The following KAT2B variants were observed in gnomAD, a reference collection of about 807,000 sequenced individuals.
KAT2B encodes the protein histone acetyltransferase KAT2B.
Under a neutral mutation model 105.9 loss-of-function variants are expected in KAT2B, and 36 were observed. That is an observed-to-expected ratio of 0.34 (90% confidence interval 0.26 to 0.45). The LOEUF (loss-of-function observed/expected upper bound fraction) is 0.45, where lower values mean the gene tolerates loss of function less well. KAT2B is among the 20% of genes least tolerant of loss of function. The pLI is 1.00. For synonymous variants in KAT2B, 397 were observed against 377.9 expected (o/e 1.05, Z -0.59); for missense variants, 820 against 1,021.6 (o/e 0.80, Z 2.69).
chr3:20,085,048 G>A (rs1575123901), intron 2 of KAT2B, among the ~76,000 whole-genome samples: 2 of 152,252 alleles, frequency 1.3e-5, no homozygotes, highest in South Asian at 4.2e-4. Flanking sequence ...CACAAAAAGA[G>A]ATTAAAAGTT....
intron 5 of KAT2B, among the ~76,000 whole-genome samples, chr3:20,107,007 ATATATATATTTTTTTTTTTTTTTTTTTTT>A (rs1699028828): frequency 4.0e-5 from 1 of 25,232 alleles, no homozygotes; most frequent in Non-Finnish European, 6.3e-5. Flanking sequence ...ATATATATAT[ATATATATATTTTTTTTTTTTTTTTTTTTT>A]TTTTTTTTTT....
At chr3:20,076,815 A>T (rs1698428861) in intron 2 of KAT2B, among the ~76,000 whole-genome samples, 1 of 152,224 alleles carries the variant, frequency 6.6e-6, no homozygotes. Context: ...ATTCTCAAAT[A>T]CATTTCAGTT....
Position 20,148,282 on chromosome 3 carries a change from C to T in KAT2B, c.2196C>T (p.Leu732=), listed in dbSNP as rs1483496499. The change falls in exon 16 of 18, where the codon CTC becomes CTT. Residue 732 remains leucine, a synonymous_variant. Transcript: ENST00000263754. ...PRDPDQLYST[L]KSILQQVKSH... ...ACCCTGACCAGCTTTACAGCACGCT[C>T]AAGAGCATCCTCCAGCAGGTGAAGG... 1.2e-6 allele frequency: 2 copies of T among 1,614,072 alleles called. No homozygotes were observed. The highest frequency in any genetic ancestry group is 1.7e-6 in the Non-Finnish European group (2 of 1,179,960).
chr3:20,089,667 T>A (rs1207190130), intron 2 of KAT2B, among the ~76,000 whole-genome samples: 8 of 152,328 alleles, frequency 5.3e-5, no homozygotes, highest in African/African-American at 1.9e-4. Context: ...CCCAAAGTGC[T>A]GGGACTCCCA....
chr3:20,062,463 T>TA (rs1251395855), intron 1 of KAT2B, among the ~76,000 whole-genome samples: 8 of 122,754 alleles, frequency 6.5e-5, no homozygotes, highest in African/African-American at 9.0e-5. Flanking sequence ...TATATTTTAT[T>TA]TTATATATAT....
At chr3:20,086,138 G>A (rs1298962909) in intron 2 of KAT2B, among the ~76,000 whole-genome samples, 1 of 152,068 alleles carries the variant, frequency 6.6e-6, no homozygotes, top group African/African-American at 2.4e-5. Context: ...TGGGCATGAT[G>A]GTATGCACCT....
chr3:20,081,072 T>A (rs1698511148), intron 2 of KAT2B, among the ~76,000 whole-genome samples: 1 of 152,242 alleles, frequency 6.6e-6, no homozygotes, highest in Non-Finnish European at 1.5e-5. Flanking sequence ...ATAAGCCTTT[T>A]GCACATTAGT....
At chr3:20,085,302 C>T (rs1319114513) in intron 2 of KAT2B, among the ~76,000 whole-genome samples, 4 of 152,152 alleles carry the variant, frequency 2.6e-5, no homozygotes, top group Non-Finnish European at 5.9e-5. Flanking sequence ...AGGCCTGTTT[C>T]CCAAAGGCTT....
At chr3:20,058,032 A>G (rs1698030208) in intron 1 of KAT2B, among the ~76,000 whole-genome samples, 2 of 152,150 alleles carry the variant, frequency 1.3e-5, no homozygotes, top group Admixed American at 1.3e-4. Flanking sequence ...GTGTTTATTT[A>G]TACCTGGGTT....
chr3:20,109,195 C>T (rs933008688), intron 5 of KAT2B, among the ~76,000 whole-genome samples: 3 of 152,108 alleles, frequency 2.0e-5, no homozygotes, highest in South Asian at 2.1e-4. Flanking sequence ...CTAAGTCTCA[C>T]GAAATTGAAC....
chr3:20,101,114 GC>G (rs1215503608), intron 4 of KAT2B, 172 bp from the exon 5 acceptor site: 1 of 582,616 alleles, frequency 1.7e-6, no homozygotes, highest in African/African-American at 1.9e-5. Context: ...GTGATCTGAG[GC>G]AAGATTCCCT....
At position 20,143,467 on chromosome 3, in the gene KAT2B, C is replaced by T. The variant is rs531459021; in HGVS notation, c.2005-2849C>T. ...AATTAGTTCAGCCCCTGTGGAAAGC[C>T]GTTTGGAGATTTCTCAAAGAATTAA... On this transcript the variant is annotated intron_variant, in intron 13 of 17. Coordinates refer to ENST00000263754, the MANE Select transcript of KAT2B (RefSeq NM_003884.5). Among the ~76,000 whole-genome samples the T allele has an allele frequency of 3.1e-4, 47 of 152,104 alleles. 1 individual carries two copies. Among genetic ancestry groups the T allele is most frequent in the Non-Finnish European group, 5.0e-4 (34 of 67,990 alleles).
chr3:20,050,799 G>A (rs1697902408), intron 1 of KAT2B, among the ~76,000 whole-genome samples: 1 of 151,620 alleles, frequency 6.6e-6, no homozygotes, highest in Non-Finnish European at 1.5e-5. Flanking sequence ...TGCCTCCTGG[G>A]GTCATGCCAT....
chr3:20,041,278 G>C (rs1248949780), intron 1 of KAT2B, among the ~76,000 whole-genome samples: 1 of 152,122 alleles, frequency 6.6e-6, no homozygotes, highest in Non-Finnish European at 1.5e-5. Context: ...TTGGGAAAGC[G>C]AAGGGGAGGA....
intron 1 of KAT2B, among the ~76,000 whole-genome samples, chr3:20,051,832 T>G (rs961299673): frequency 6.6e-6 from 1 of 152,236 alleles, no homozygotes; most frequent in African/African-American, 2.4e-5. Flanking sequence ...TTTCCGTAAT[T>G]GGTATATTTA....
chr3:20,051,676 C>G (rs146051095), intron 1 of KAT2B, among the ~76,000 whole-genome samples: 225 of 152,266 alleles, frequency 1.5e-3, no homozygotes, highest in African/African-American at 5.2e-3. Flanking sequence ...ACCCTCTCCC[C>G]AGGAATGACA....
chr3:20,147,112 G>A (rs1361449024), intron 14 of KAT2B, among the ~76,000 whole-genome samples: 3 of 152,064 alleles, frequency 2.0e-5, no homozygotes, highest in Non-Finnish European at 2.9e-5. Flanking sequence ...ATTTTGTTCA[G>A]TTCAAATCCA....
intron 13 of KAT2B, among the ~76,000 whole-genome samples, chr3:20,145,554 G>GTTT (rs550166293): frequency 0.08 from 7,347 of 91,508 alleles, 258 homozygotes; most frequent in Non-Finnish European, 0.1. Context: ...GATTTTTTTA[G>GTTT]TTTTTTTTTT....
chr3:20,138,658 C>T (rs984391396), intron 12 of KAT2B, among the ~76,000 whole-genome samples: 5 of 152,072 alleles, frequency 3.3e-5, no homozygotes, highest in African/African-American at 4.8e-5. Flanking sequence ...ATTTATTTTT[C>T]CATGTTTATC....
Sources: gnomAD v4.1 joint callset for allele counts (sites outside exome capture counted in the v4.1 genomes callset) on GRCh38, gnomAD v4.1.1 for gene constraint, MANE v1.5 for transcripts, NCBI Gene and HGNC (gene_info 2026-07-23, HGNC 2026-07-21) for gene names.